FYB1: variants seen among roughly 807,000 people sequenced by gnomAD.
FYB1 encodes FYN-binding protein 1.
Under a neutral mutation model 94.1 loss-of-function variants are expected in FYB1, and 41 were observed. The observed-to-expected ratio is 0.44, with a 90% CI of 0.34 to 0.57. The LOEUF is 0.57. Ranked by LOEUF, FYB1 falls within the 20% of genes least tolerant of loss-of-function variation. The pLI, the probability that FYB1 is intolerant of heterozygous loss-of-function variation, is 0.02. For missense variants in FYB1, 1,050 were observed against 976.8 expected (o/e 1.07, Z -1.00); for synonymous variants, 367 against 353.2 (o/e 1.04, Z -0.44).
At chr5:39,168,163 C>A (rs1233630601) in intron 2 of FYB1, among the ~76,000 whole-genome samples, 3 of 151,984 alleles carry the variant, frequency 2.0e-5, no homozygotes, top group Non-Finnish European at 2.9e-5. Flanking sequence ...TTTTCAAAAA[C>A]TTTTAGCCCA....
At chr5:39,191,515 G>T (rs1479491923) in intron 2 of FYB1, among the ~76,000 whole-genome samples, 1 of 152,168 alleles carries the variant, frequency 6.6e-6, no homozygotes, top group African/African-American at 2.4e-5. Flanking sequence ...CTCATCTTCG[G>T]TTACTTTTTC....
chr5:39,127,194 CAGAT>C (rs1026693315), intron 11 of FYB1, among the ~76,000 whole-genome samples: 39 of 148,318 alleles, frequency 2.6e-4, no homozygotes, highest in African/African-American at 9.2e-4. Context: ...TATAAATGAA[CAGAT>C]AATTATTATT....
At chr5:39,150,216 G>A (rs754611301) in intron 3 of FYB1, among the ~76,000 whole-genome samples, 8 of 152,278 alleles carry the variant, frequency 5.3e-5, no homozygotes, top group Non-Finnish European at 1.0e-4. Flanking sequence ...TCAGGAGAGA[G>A]AGAGAATGGC....
At chr5:39,242,531 A>G (rs1176917093) in intron 1 of FYB1, among the ~76,000 whole-genome samples, 4 of 152,012 alleles carry the variant, frequency 2.6e-5, no homozygotes, top group South Asian at 2.1e-4. Flanking sequence ...TCTTAATCCA[A>G]TCTATCATTG....
At chr5:39,125,811 T>G (rs1740608971) in intron 12 of FYB1, among the ~76,000 whole-genome samples, 187 bp downstream of exon 12, 1 of 152,182 alleles carries the variant, frequency 6.6e-6, no homozygotes, top group Non-Finnish European at 1.5e-5. Flanking sequence ...GTACTTGGCC[T>G]TCTTTTATGT....
intron 1 of FYB1, among the ~76,000 whole-genome samples, chr5:39,253,883 A>T (rs942972174): frequency 6.6e-6 from 1 of 152,090 alleles, no homozygotes. Flanking sequence ...GTTGCCCTCT[A>T]TGAGTCCATG....
intron 1 of FYB1, among the ~76,000 whole-genome samples, chr5:39,231,739 G>T (rs1750753862): frequency 1.3e-5 from 2 of 150,164 alleles, no homozygotes; most frequent in South Asian, 4.1e-4. Context: ...GAACAGAGGT[G>T]CAGAGAGCTA....
chr5:39,263,388 A>C (rs1450211933), intron 1 of FYB1, among the ~76,000 whole-genome samples: 2 of 150,940 alleles, frequency 1.3e-5, no homozygotes, highest in East Asian at 3.9e-4. Flanking sequence ...TTTTTTTTTT[A>C]ACACAGTGGG....
intron 1 of FYB1, among the ~76,000 whole-genome samples, chr5:39,263,930 G>C (rs1752325040): frequency 6.6e-6 from 1 of 152,142 alleles, no homozygotes; most frequent in Admixed American, 6.5e-5. Flanking sequence ...GGCTGCTCTG[G>C]TGAACAGTAT....
intron 9 of FYB1, among the ~76,000 whole-genome samples, chr5:39,132,975 G>A (rs912263849): frequency 1.3e-5 from 2 of 152,168 alleles, no homozygotes; most frequent in Admixed American, 6.5e-5. Flanking sequence ...CCAAACTCTA[G>A]TGCATGCATT....
chr5:39,134,829 G>T, intron 8 of FYB1, 26 bp downstream of exon 8: 1 of 1,611,936 alleles, frequency 6.2e-7, no homozygotes, highest in East Asian at 2.2e-5. Flanking sequence ...AAAATACTTC[G>T]AAGCCATAGA....
chr5:39,160,890 T>C (rs144474927), intron 2 of FYB1, among the ~76,000 whole-genome samples: 1,786 of 152,346 alleles, frequency 0.012, 22 homozygotes, highest in Middle Eastern at 0.051. Context: ...CATACTTCAG[T>C]AACTTTTATT....
At chr5:39,224,696 C>T (rs1472442216) in intron 1 of FYB1, among the ~76,000 whole-genome samples, 1 of 152,130 alleles carries the variant, frequency 6.6e-6, no homozygotes, top group Non-Finnish European at 1.5e-5. Flanking sequence ...GCTACTTCCC[C>T]TTACTCAACT....
intron 11 of FYB1, among the ~76,000 whole-genome samples, chr5:39,126,635 G>A (rs1371237419): frequency 7.0e-6 from 1 of 142,304 alleles, no homozygotes; most frequent in Non-Finnish European, 1.5e-5. Flanking sequence ...GTTTGAGGCT[G>A]CAGTGAGCTA....
rs1342892510 is a variant in FYB1 at position 39,134,998 on chromosome 5, T to C, written c.1532A>G (p.Gln511Arg). The C allele has an allele frequency of 3.7e-6, 6 of 1,613,766 alleles. No individual in the cohort carries two copies. Among genetic ancestry groups the C allele is most frequent in the South Asian group, 2.2e-5 (2 of 91,082 alleles). ...KKKFKLTGPI[Q>R]VIHLAKACCD... ...ACAAGCTTTTGCAAGATGGATGACT[T>C]GAATAGGGCCTGTTAGCTGCAAAGA... Residue 511 changes from glutamine (Q) to arginine (R), a missense_variant, in exon 8 of 19, where the codon CAA becomes CGA. Coordinates refer to ENST00000512982, the MANE Select transcript of FYB1 (RefSeq NM_001465.6).
At chr5:39,177,517 C>T (rs1032801046) in intron 2 of FYB1, among the ~76,000 whole-genome samples, 3 of 152,198 alleles carry the variant, frequency 2.0e-5, no homozygotes, top group African/African-American at 7.2e-5. Context: ...TTAAACCTAA[C>T]CACATTGCTC....
At chr5:39,189,785 A>C (rs1360448387) in intron 2 of FYB1, among the ~76,000 whole-genome samples, 2 of 152,210 alleles carry the variant, frequency 1.3e-5, no homozygotes, top group African/African-American at 4.8e-5. Flanking sequence ...TGGCTCCTCA[A>C]ACCTTCGGTG....
intron 2 of FYB1, among the ~76,000 whole-genome samples, chr5:39,156,047 A>G (rs919051581): frequency 5.3e-5 from 8 of 152,150 alleles, no homozygotes; most frequent in African/African-American, 1.9e-4. Flanking sequence ...AAAAATATTT[A>G]TTAGCCATCT....
intron 10 of FYB1, among the ~76,000 whole-genome samples, chr5:39,129,254 A>T (rs1226069003): frequency 6.6e-6 from 1 of 152,094 alleles, no homozygotes; most frequent in Admixed American, 6.6e-5. Flanking sequence ...CTGGATATCC[A>T]TATGGAAAAA....
Sources: allele counts gnomAD v4.1 joint callset (sites outside exome capture counted in the v4.1 genomes callset), GRCh38; gene constraint gnomAD v4.1.1; transcripts MANE v1.5; gene names NCBI Gene and HGNC (gene_info 2026-07-23, HGNC 2026-07-21).